Variants in BCAS3 observed in about 807,000 individuals in gnomAD.
The protein encoded by BCAS3 is BCAS4/BCAS3 fusion.
In BCAS3, 53 loss-of-function variants were observed where a neutral mutation model predicts 116.1. The ratio of observed to expected loss-of-function variants is 0.46; its 90% CI spans 0.37 to 0.57. The LOEUF (loss-of-function observed/expected upper bound fraction) is 0.57. Among genes scored for constraint, BCAS3 ranks in the 20% least tolerant of loss-of-function variants. The pLI is 0.00. For missense variants in BCAS3, 917 were observed against 1,165.4 expected, an observed-to-expected ratio of 0.79 and a Z score of 3.10; for synonymous variants, 391 against 408.2, an observed-to-expected ratio of 0.96 and a Z score of 0.51.
In BCAS3 at chr17:61,235,900, C is replaced by T. The variant is rs2083018437; in HGVS notation, c.2426-132427C>T. On this transcript the variant is annotated intron_variant, in intron 22 of 23. Transcript: ENST00000407086. The surrounding 1 kb of genome is among the most constrained non-coding windows in gnomAD (Gnocchi z 5.0). ...AGGGTAATCAGCTCACATGACATAC[C>T]CAGAGGCGAATGCTAGCCTGTGCTG... Among the ~76,000 whole-genome samples the T allele has an allele frequency of 6.6e-6, 1 of 152,108 alleles. No homozygotes were observed. The highest frequency in any genetic ancestry group is 2.1e-4 in the South Asian group (1 of 4,830).
chr17:60,689,108 T>A (rs1022833485), intron 3 of BCAS3: 1 of 152,242 alleles, frequency 6.6e-6, no homozygotes, highest in Admixed American at 6.5e-5. Flanking sequence ...TGGTTAGTCT[T>A]TCATTTGCCT....
chr17:61,096,298 C>T (rs1389877835), intron 22 of BCAS3, among the ~76,000 whole-genome samples: 2 of 152,020 alleles, frequency 1.3e-5, no homozygotes, highest in African/African-American at 4.8e-5. Flanking sequence ...TTTCACTTGT[C>T]AGTTTTCTTT....
chr17:60,887,991 A>G (rs1481088381), intron 9 of BCAS3, among the ~76,000 whole-genome samples: 1 of 152,166 alleles, frequency 6.6e-6, no homozygotes, highest in East Asian at 1.9e-4. Context: ...AATTAGGCCT[A>G]GTATTATAGA....
chr17:60,713,945 T>A (rs1230169662), intron 5 of BCAS3, among the ~76,000 whole-genome samples: 11 of 152,216 alleles, frequency 7.2e-5, no homozygotes, highest in African/African-American at 2.4e-4. Flanking sequence ...GTGATTTTCA[T>A]GTCTCAGCCT....
intron 6 of BCAS3, among the ~76,000 whole-genome samples, chr17:60,768,052 C>T (rs1003517311): frequency 2.0e-5 from 3 of 152,206 alleles, no homozygotes; most frequent in African/African-American, 7.2e-5. Context: ...CTGTCTCAGC[C>T]TTCCAAAGTG....
chr17:61,178,384 A>C (rs2144156260), intron 22 of BCAS3, among the ~76,000 whole-genome samples: 1 of 152,262 alleles, frequency 6.6e-6, no homozygotes, highest in South Asian at 2.1e-4. Context: ...ACAGAGTTTT[A>C]CCCATCCAAT....
At position 61,082,444 on chromosome 17, in the gene BCAS3, G is replaced by A. The variant is rs921554260; in HGVS notation, c.2328-2023G>A. Among the ~76,000 whole-genome samples, 1 of 152,090 alleles carries A rather than the reference G, an allele frequency of 6.6e-6. No homozygotes were observed. Among genetic ancestry groups the A allele is most frequent in the African/African-American group, 2.4e-5 (1 of 41,404 alleles). On this transcript the variant is annotated intron_variant, in intron 21 of 23. Transcript: ENST00000407086. The surrounding 1 kb of genome is among the most constrained non-coding windows in gnomAD (Gnocchi z 5.1). ...TAAACCCCCATATATCTGTTGTCCA[G>A]CTTCAGCTATCAAGTCATGGCCAAT... is the stretch of plus-strand genomic sequence containing the variant.
intron 22 of BCAS3, among the ~76,000 whole-genome samples, chr17:61,201,840 C>T (rs2080841384): frequency 6.6e-6 from 1 of 150,552 alleles, no homozygotes; most frequent in South Asian, 2.1e-4. Flanking sequence ...CTCACTGCAA[C>T]CTCCGCCTCC....
At chr17:61,212,187 T>G (rs1467119458) in intron 22 of BCAS3, among the ~76,000 whole-genome samples, 1 of 152,238 alleles carries the variant, frequency 6.6e-6, no homozygotes, top group Non-Finnish European at 1.5e-5. Flanking sequence ...TGAAAAGATC[T>G]GTTCTACTGG....
chr17:61,309,981 T>C lies in BCAS3; in HGVS notation c.2426-58346T>C, dbSNP rs543552525. Among the ~76,000 whole-genome samples, 54 of 152,256 alleles carry C rather than the reference T, an allele frequency of 3.5e-4. No individual in the cohort carries two copies. Among genetic ancestry groups the C allele is most frequent in the South Asian group, 6.2e-4 (3 of 4,808 alleles). On this transcript the variant is annotated intron_variant, in intron 22 of 23. Coordinates refer to ENST00000407086, the MANE Select transcript of BCAS3 (RefSeq NM_017679.5). The surrounding 1 kb of genome is among the most constrained non-coding windows in gnomAD (Gnocchi z 4.6). ...AAACTACAGCATTTAGGCTACCAGG[T>C]TGTGTTTCCTTAATAGGAAGCCATA... is the stretch of plus-strand genomic sequence containing the variant.
chr17:60,862,640 A>G (rs1411320431), intron 7 of BCAS3, among the ~76,000 whole-genome samples: 1 of 152,026 alleles, frequency 6.6e-6, no homozygotes, highest in Non-Finnish European at 1.5e-5. Context: ...ATCACTGTTG[A>G]GTCATAAGAT....
intron 6 of BCAS3, among the ~76,000 whole-genome samples, chr17:60,800,859 A>G (rs2047711436): frequency 6.6e-6 from 1 of 152,034 alleles, no homozygotes; most frequent in Non-Finnish European, 1.5e-5. Context: ...CACCTTTGTA[A>G]AGAAAATCAT....
Position 61,235,700 on chromosome 17 carries a change from T to TAA in BCAS3, c.2426-132614_2426-132613dup, listed in dbSNP as rs35888828. 2.5e-3 allele frequency among the ~76,000 whole-genome samples: 350 copies of TAA among 142,516 alleles called. 2 individuals are homozygous for TAA. Among genetic ancestry groups the TAA allele is most frequent in the South Asian group, 7.9e-3 (35 of 4,436 alleles). 93.5% of individuals were successfully genotyped at this position (142,516 alleles called of 152,430 possible). A position where few individuals can be genotyped will look rare whatever the true frequency, so the allele number is the denominator to read the frequency against. On this transcript the variant is annotated intron_variant, in intron 22 of 23. Transcript: ENST00000407086. This position sits in a 1 kb window ranked among gnomAD's most constrained non-coding sequence, Gnocchi z 5.0. Reference sequence around the variant, plus strand: ...TTGGAAAGAAGACTTTTGAATTGTTTAAAAAAAAAAAAAAGGAGAAGAAGG... The same window carrying TAA: ...TTGGAAAGAAGACTTTTGAATTGTTTAAAAAAAAAAAAAAAAGGAGAAGAAGG...
At position 60,994,051 on chromosome 17, in the gene BCAS3, T is replaced by C. The variant is rs2063695249; in HGVS notation, c.1486+3816T>C. Among the ~76,000 whole-genome samples, 1 of 152,166 alleles carries C rather than the reference T, an allele frequency of 6.6e-6. No individual in the cohort carries two copies. Reference sequence around the variant, plus strand: ...TTACATCTTTATATTCACTATCCTTTAACCAAAAGTAAGCATTTCCTTTTT... The same window carrying C: ...TTACATCTTTATATTCACTATCCTTCAACCAAAAGTAAGCATTTCCTTTTT... On this transcript the variant is annotated intron_variant, in intron 15 of 23. Transcript: ENST00000407086. The surrounding 1 kb of genome is among the most constrained non-coding windows in gnomAD (Gnocchi z 4.4).
intron 19 of BCAS3, among the ~76,000 whole-genome samples, chr17:61,067,676 G>A (rs2070831309): frequency 6.8e-6 from 1 of 146,546 alleles, no homozygotes; most frequent in South Asian, 2.1e-4. Context: ...AGATCATGCT[G>A]CTGTATACCA....
Position 61,348,817 on chromosome 17 carries a change from A to T in BCAS3, c.2426-19510A>T, listed in dbSNP as rs2057660759. 7.0e-6 allele frequency among the ~76,000 whole-genome samples: 1 copy of T among 143,398 alleles called. No individual in the cohort carries two copies. The highest frequency in any genetic ancestry group is 2.6e-5 in the African/African-American group (1 of 38,528). 94.1% of individuals were successfully genotyped at this position (143,398 alleles called of 152,430 possible). On this transcript the variant is annotated intron_variant, in intron 22 of 23. Transcript: ENST00000407086. The surrounding 1 kb of genome is among the most constrained non-coding windows in gnomAD (Gnocchi z 4.5). Reference sequence around the variant, plus strand: ...GCCGAGGCTGGAGTGCAGTGGCATGATACCGGCTCACTGCAAGCTCCGCCT... The same window carrying T: ...GCCGAGGCTGGAGTGCAGTGGCATGTTACCGGCTCACTGCAAGCTCCGCCT...
At chr17:61,175,631 A>G (rs2079089761) in intron 22 of BCAS3, among the ~76,000 whole-genome samples, 1 of 152,172 alleles carries the variant, frequency 6.6e-6, no homozygotes, top group Non-Finnish European at 1.5e-5. Context: ...TTTGGGGGAA[A>G]CCTCAATACT....
intron 21 of BCAS3, among the ~76,000 whole-genome samples, chr17:61,081,203 G>A (rs909101807): frequency 9.2e-5 from 14 of 152,146 alleles, no homozygotes; most frequent in African/African-American, 3.1e-4. Context: ...TTGCTAAACC[G>A]TGCACAAGAC....
rs1389734818 is a variant in BCAS3 at position 61,034,122 on chromosome 17, A to G, written c.1638-544A>G. The stretch of plus-strand genomic sequence containing the variant: ...AGCTATTCTTCCCTTGCACTGTCTA[A>G]CTCTCCATAGCATTGTGGCCGAGAG... On this transcript the variant is annotated intron_variant, in intron 16 of 23. Coordinates refer to ENST00000407086, the MANE Select transcript of BCAS3 (RefSeq NM_017679.5). The surrounding 1 kb of genome is among the most constrained non-coding windows in gnomAD (Gnocchi z 5.0). 6.6e-6 allele frequency among the ~76,000 whole-genome samples: 1 copy of G among 152,148 alleles called. No homozygotes were observed. Among genetic ancestry groups the G allele is most frequent in the African/African-American group, 2.4e-5 (1 of 41,432 alleles).
Sources: allele counts gnomAD v4.1 joint callset (sites outside exome capture counted in the v4.1 genomes callset), GRCh38; gene constraint gnomAD v4.1.1; non-coding constraint Gnocchi (gnomAD v3.1); transcripts MANE v1.5; gene names NCBI Gene and HGNC (gene_info 2026-07-23, HGNC 2026-07-21).